Variants in NSUN6 observed in about 807,000 individuals in gnomAD.
NSUN6 encodes the protein NOP2/Sun RNA methyltransferase 6, also known as tRNA (cytosine(72)-C(5))-methyltransferase NSUN6.
A neutral mutation model predicts 58.0 loss-of-function variants in NSUN6; 64 were observed. The ratio of observed to expected loss-of-function variants is 1.10; its 90% CI spans 0.90 to 1.36. The LOEUF (loss-of-function observed/expected upper bound fraction) is 1.36, where lower values mean the gene tolerates loss of function less well. NSUN6 is among the 40% of genes most tolerant of loss of function. The pLI, the probability that NSUN6 is intolerant of heterozygous loss-of-function variation, is 0.00. For missense variants in NSUN6, 701 were observed against 550.1 expected (o/e 1.27, Z -2.74); for synonymous variants, 231 against 193.9 (o/e 1.19, Z -1.59).
intron 8 of NSUN6, among the ~76,000 whole-genome samples, chr10:18,559,032 ATGGAG>A (rs911917536): frequency 3.0e-4 from 45 of 151,234 alleles, no homozygotes; most frequent in African/African-American, 1.1e-3. Flanking sequence ...GGTGAATAGA[ATGGAG>A]TGAAGAATGG....
chr10:18,556,625 A>G (rs1350202844), intron 8 of NSUN6, among the ~76,000 whole-genome samples: 3 of 151,094 alleles, frequency 2.0e-5, no homozygotes, highest in Non-Finnish European at 3.0e-5. Context: ...TGGAATGGAC[A>G]TGGAATGGAG....
chr10:18,546,178 C>T (rs780576588), intron 10 of NSUN6, 33 bp from the exon 11 acceptor site: 3 of 1,415,564 alleles, frequency 2.1e-6, no homozygotes, highest in Non-Finnish European at 3.0e-6. Context: ...TATGGATGAA[C>T]ATCCTGTAAT....
At chr10:18,570,658 CATTCCATTCT>C (rs1005090965) in intron 8 of NSUN6, among the ~76,000 whole-genome samples, 1 of 150,596 alleles carries the variant, frequency 6.6e-6, no homozygotes, top group African/African-American at 2.4e-5. Context: ...TCATCCATTC[CATTCCATTCT>C]ATTCTCCATT....
In NSUN6 at chr10:18,648,606, A is replaced by G; in HGVS notation, c.115T>C (p.Phe39Leu). The change falls in exon 2 of 11, where the codon TTT (phenylalanine) becomes CTT (leucine). Residue 39 changes from phenylalanine (F) to leucine (L), a missense_variant. Transcript: ENST00000377304. ...GACAGGTGCTTTAACAAAGTTTCAAACTTCCTTTCTGCTTCTTGTTTACCT... is the reference window on the plus strand; with the variant it reads ...GACAGGTGCTTTAACAAAGTTTCAAGCTTCCTTTCTGCTTCTTGTTTACCT... Reference protein sequence around the residue: ...ALGKQEAERKFETLLKHLSHP... With the variant: ...ALGKQEAERKLETLLKHLSHP... 6.2e-7 allele frequency: 1 copy of G among 1,607,906 alleles called. No homozygotes were observed. Among genetic ancestry groups the G allele is most frequent in the Non-Finnish European group, 8.5e-7 (1 of 1,174,934 alleles).
intron 3 of NSUN6, among the ~76,000 whole-genome samples, chr10:18,640,927 A>C (rs12768464): frequency 0.11 from 16,959 of 151,572 alleles, 1,300 homozygotes; most frequent in Admixed American, 0.17. Context: ...TCCCAATCTA[A>C]TTTCCTCAGA....
At position 18,651,357 on chromosome 10, in the gene NSUN6, G is replaced by A; in HGVS notation, c.-154C>T. The A allele has an allele frequency of 2.2e-6, 3 of 1,360,496 alleles. No individual in the cohort carries two copies. The highest frequency in any genetic ancestry group is 2.8e-6 in the Non-Finnish European group (3 of 1,062,486). The allele number at this position is 1,360,496 out of a possible 1,614,324, so 84.3% of individuals were successfully genotyped here. On this transcript the variant is annotated 5_prime_UTR_variant, in exon 1 of 11. Transcript: ENST00000377304. ...CTGAGTTAATTTCGGAAATGCAGAG[G>A]TACACGCTTTCTCAAGCCTAGCCGA...
chr10:18,560,946 G>T (rs981396895), intron 8 of NSUN6, among the ~76,000 whole-genome samples: 1 of 150,914 alleles, frequency 6.6e-6, no homozygotes, highest in South Asian at 2.1e-4. Context: ...ATGGAGCATG[G>T]AATAAAATGG....
At chr10:18,654,705 C>T (rs2059758900), upstream of NSUN6, 1 of 151,998 alleles carries the variant, frequency 6.6e-6, no homozygotes, top group South Asian at 2.1e-4. Context: ...ATATGTAAAA[C>T]CCCATCTGTA....
intron 3 of NSUN6, among the ~76,000 whole-genome samples, chr10:18,634,764 C>CAAACA (rs536322586): frequency 0.048 from 7,225 of 150,258 alleles, 280 homozygotes; most frequent in Non-Finnish European, 0.077. Context: ...CTCAAACAAA[C>CAAACA]AAACAAAACA....
intron 7 of NSUN6, 134 bp from the exon 8 acceptor site, chr10:18,586,227 C>A: frequency 1.5e-6 from 1 of 683,476 alleles, no homozygotes; most frequent in Non-Finnish European, 2.3e-6. Flanking sequence ...AATTTAAAAC[C>A]TCTATCCATT....
At chr10:18,659,324 C>G (rs2059813748), upstream of NSUN6, 1 of 341,292 alleles carries the variant, frequency 2.9e-6, no homozygotes, top group Non-Finnish European at 5.3e-6. Context: ...ATGGGTGGTC[C>G]TGGGATCCGG....
intron 3 of NSUN6, among the ~76,000 whole-genome samples, chr10:18,638,684 G>T (rs1225719291): frequency 6.6e-6 from 1 of 152,038 alleles, no homozygotes; most frequent in Non-Finnish European, 1.5e-5. Flanking sequence ...TATGTGGCCT[G>T]AAACAACCAG....
chr10:18,643,944 C>T (rs530017333), intron 2 of NSUN6, among the ~76,000 whole-genome samples: 4 of 152,252 alleles, frequency 2.6e-5, no homozygotes, highest in South Asian at 2.1e-4. Flanking sequence ...TCATAACACA[C>T]GTTTTTTTCC....
intron 3 of NSUN6, among the ~76,000 whole-genome samples, chr10:18,625,471 G>T (rs2058759094): frequency 1.3e-5 from 2 of 152,194 alleles, no homozygotes; most frequent in Admixed American, 6.5e-5. Flanking sequence ...CCAGCACTTT[G>T]GAAGGCCGAG....
intron 3 of NSUN6, among the ~76,000 whole-genome samples, chr10:18,630,636 A>G (rs976317326): frequency 1.8e-4 from 27 of 152,238 alleles, no homozygotes; most frequent in Non-Finnish European, 3.5e-4. Flanking sequence ...CCTCTAAGCA[A>G]ATAAACTAGA....
intron 6 of NSUN6, among the ~76,000 whole-genome samples, chr10:18,597,702 T>G (rs1249940097): frequency 6.6e-6 from 1 of 151,572 alleles, no homozygotes. Context: ...GGAGGTGGAG[T>G]TTGCAGTGAG....
chr10:18,592,862 G>A (rs914536387), intron 7 of NSUN6, among the ~76,000 whole-genome samples: 1 of 152,142 alleles, frequency 6.6e-6, no homozygotes, highest in African/African-American at 2.4e-5. Flanking sequence ...TGACAAATGG[G>A]ATCTAATTAA....
At chr10:18,560,881 T>C (rs2055448036) in intron 8 of NSUN6, among the ~76,000 whole-genome samples, 1 of 147,390 alleles carries the variant, frequency 6.8e-6, no homozygotes, top group Non-Finnish European at 1.5e-5. Flanking sequence ...GAATGGAGAA[T>C]GGAATGGAAT....
intron 5 of NSUN6, among the ~76,000 whole-genome samples, chr10:18,612,704 A>G (rs1379504874): frequency 1.3e-5 from 2 of 152,222 alleles, no homozygotes; most frequent in African/African-American, 4.8e-5. Flanking sequence ...AGTGCTATAA[A>G]TCACTGAACT....
Sources: allele counts gnomAD v4.1 joint callset (sites outside exome capture counted in the v4.1 genomes callset), GRCh38; gene constraint gnomAD v4.1.1; transcripts MANE v1.5; gene names NCBI Gene and HGNC (gene_info 2026-07-23, HGNC 2026-07-21).